SRSF10: variants seen among roughly 807,000 people sequenced by gnomAD.
SRSF10 encodes serine/arginine-rich splicing factor 10.
SRSF10 carries 9 observed loss-of-function variants against 32.6 expected under a neutral mutation model. The ratio of observed to expected loss-of-function variants is 0.28; its 90% CI spans 0.17 to 0.48. The LOEUF (loss-of-function observed/expected upper bound fraction) is 0.48. Among genes scored for constraint, SRSF10 ranks in the 20% least tolerant of loss-of-function variants. The pLI is 0.99. For missense variants in SRSF10, 201 were observed against 331.8 expected (o/e 0.61, Z 3.06); for synonymous variants, 105 against 112.4 (o/e 0.93, Z 0.42).
chr1:23,979,804 GGA>G (rs1400518180), intron 1 of SRSF10, among the ~76,000 whole-genome samples: 2 of 6,272 alleles, frequency 3.2e-4, no homozygotes, highest in Non-Finnish European at 6.1e-4. Context: ...TTTTGGCTGG[GGA>G]AAAAAAAAAA....
chr1:23,977,985 A>T (rs1356227557), intron 2 of SRSF10: 3 of 985,322 alleles, frequency 3.0e-6, no homozygotes, highest in Non-Finnish European at 3.6e-6. Flanking sequence ...TGCTTGTCAG[A>T]AGGACTTGTC....
intron 3 of SRSF10, among the ~76,000 whole-genome samples, chr1:23,974,129 C>T (rs1641939053): frequency 1.3e-5 from 2 of 152,012 alleles, no homozygotes. Context: ...GCAGCTGGGA[C>T]TACAGGTGCA....
intron 4 of SRSF10, 93 bp from the exon 5 acceptor site, chr1:23,971,719 A>T (rs1641765809): frequency 6.6e-7 from 1 of 1,519,264 alleles, no homozygotes; most frequent in Admixed American, 2.0e-5. Flanking sequence ...TTAAAATAAA[A>T]TGCTACAGTA....
In SRSF10 at chr1:23,967,477, CTTT is replaced by C. The variant is rs1641508554; in HGVS notation, c.*3662_*3664del. Reference sequence around the variant, plus strand: ...TTCCACAAGTACAAAGTTGAATTTCCTTTTATTTGTCCTAAAATGCTTACTTTC... The same window carrying C: ...TTCCACAAGTACAAAGTTGAATTTCCTATTTGTCCTAAAATGCTTACTTTC... On this transcript the variant is annotated 3_prime_UTR_variant, in exon 6 of 6. Transcript: ENST00000492112. 2.1e-6 allele frequency: 1 copy of C among 483,070 alleles called. No homozygotes were observed. The highest frequency in any genetic ancestry group is 3.4e-5 in the Admixed American group (1 of 29,406). 29.9% of individuals were successfully genotyped at this position (483,070 alleles called of 1,614,324 possible). A position where few individuals can be genotyped will look rare whatever the true frequency, so the allele number is the denominator to read the frequency against.
chr1:23,977,541 C>G (rs1642164629), intron 2 of SRSF10: 1 of 152,156 alleles, frequency 6.6e-6, no homozygotes, highest in South Asian at 2.1e-4. Context: ...GGTTCTGACC[C>G]TACAAGACCA....
rs1641627559 is a variant in SRSF10 at position 23,969,617 on chromosome 1, A to T, written c.*1525T>A. 1 of 985,104 alleles carries T rather than the reference A, an allele frequency of 1.0e-6. No homozygotes were observed. The highest frequency in any genetic ancestry group is 1.2e-6 in the Non-Finnish European group (1 of 829,714). 61.0% of individuals were successfully genotyped at this position (985,104 alleles called of 1,614,324 possible). On this transcript the variant is annotated 3_prime_UTR_variant, in exon 6 of 6. Coordinates refer to ENST00000492112, the MANE Select transcript of SRSF10 (RefSeq NM_054016.4). ...TAATTCGTACTTGTATCTGTAAGCAAGCAATCTGAGATTTTTAAAGATGCT... is the reference window on the plus strand; with the variant it reads ...TAATTCGTACTTGTATCTGTAAGCATGCAATCTGAGATTTTTAAAGATGCT...
In SRSF10 at chr1:23,968,097, G is replaced by GA; in HGVS notation, c.*3044_*3045insT. ...CACAGTAGGTAAACTCAGTAAGTGG[G>GA]GGACTCAACTACATCACCCAAAACT... On this transcript the variant is annotated 3_prime_UTR_variant, in exon 6 of 6. Transcript: ENST00000492112. 6 of 1,411,360 alleles carry GA rather than the reference G, an allele frequency of 4.3e-6. No homozygotes were observed. The highest frequency in any genetic ancestry group is 2.8e-6 in the Non-Finnish European group (3 of 1,067,204). 87.4% of individuals were successfully genotyped at this position (1,411,360 alleles called of 1,614,324 possible). A position where few individuals can be genotyped will look rare whatever the true frequency, so the allele number is the denominator to read the frequency against.
intron 3 of SRSF10, among the ~76,000 whole-genome samples, chr1:23,974,755 G>C (rs1299053242): frequency 6.6e-6 from 1 of 151,902 alleles, no homozygotes; most frequent in South Asian, 2.1e-4. Context: ...TTTGAACCCG[G>C]GAGGTGGTGG....
Position 23,970,591 on chromosome 1 carries a change from C to G in SRSF10, c.*551G>C. On this transcript the variant is annotated 3_prime_UTR_variant, in exon 6 of 6. Coordinates refer to ENST00000492112, the MANE Select transcript of SRSF10 (RefSeq NM_054016.4). ...GGTCAGGCTGGTCTCGAACTCCTGA[C>G]CTCGTGATCCGCCCGCCTCGGCCTC... 1.2e-6 allele frequency: 1 copy of G among 823,226 alleles called. No individual in the cohort carries two copies. Among genetic ancestry groups the G allele is most frequent in the Non-Finnish European group, 1.5e-6 (1 of 682,218 alleles). 51.0% of individuals were successfully genotyped at this position (823,226 alleles called of 1,614,324 possible).
Position 23,970,554 on chromosome 1 carries a change from T to A in SRSF10, c.*588A>T. The A allele has an allele frequency of 1.7e-6, 1 of 573,172 alleles. No homozygotes were observed. 35.5% of individuals were successfully genotyped at this position (573,172 alleles called of 1,614,324 possible). ...TTTTGTATTTTTAGTAGAGACGGGG[T>A]TTCACCGTGTTGGTCAGGCTGGTCT... On this transcript the variant is annotated 3_prime_UTR_variant, in exon 6 of 6. Transcript: ENST00000492112.
intron 1 of SRSF10, among the ~76,000 whole-genome samples, chr1:23,979,665 T>C (rs1642329389): frequency 6.6e-6 from 1 of 152,068 alleles, no homozygotes; most frequent in African/African-American, 2.4e-5. Context: ...ACTCCCCAAA[T>C]CTCAACGCTC....
intron 2 of SRSF10, 91 bp from the exon 3 acceptor site, chr1:23,975,168 C>A: frequency 9.9e-7 from 1 of 1,013,460 alleles, no homozygotes; most frequent in Non-Finnish European, 1.6e-6. Flanking sequence ...CACAATCTCC[C>A]AATATTATTC....
At position 23,964,562 on chromosome 1, in the gene SRSF10, A is replaced by C. The variant is rs1641364343; in HGVS notation, c.*6580T>G. On this transcript the variant is annotated 3_prime_UTR_variant, in exon 6 of 6. Transcript: ENST00000492112. The stretch of plus-strand genomic sequence containing the variant: ...ATACTATGATGGAATCCAGGTCCAA[A>C]ACCTATCCTTAAGCTTAAAATAAAT... 1.3e-5 allele frequency among the ~76,000 whole-genome samples: 2 copies of C among 151,992 alleles called. No homozygotes were observed. The highest frequency in any genetic ancestry group is 2.9e-5 in the Non-Finnish European group (2 of 67,890).
rs1213850758 is a variant in SRSF10, at chr1:23,970,333, A to G, written c.*809T>C. The G allele has an allele frequency of 6.1e-6, 6 of 984,368 alleles. No homozygotes were observed. The Admixed American group carries it at 1.9e-4, about 31-fold the overall frequency. 61.0% of individuals were successfully genotyped at this position (984,368 alleles called of 1,614,324 possible). ...CAAAAGAACTAATCCACACTGCATC[A>G]AAAATAATTATCATTGGCCTAGACA... On this transcript the variant is annotated 3_prime_UTR_variant, in exon 6 of 6. Transcript: ENST00000492112.
Position 23,970,218 on chromosome 1 carries a change from A to G in SRSF10, c.*924T>C, listed in dbSNP as rs7523697. The G allele has an allele frequency of 0.063, 62,055 of 985,298 alleles. 2,709 individuals carry two copies. Among genetic ancestry groups the G allele is most frequent in the African/African-American group, 0.21 (12,039 of 57,280 alleles). The allele number at this position is 985,298 out of a possible 1,614,324, so 61.0% of individuals were successfully genotyped here. A position where few individuals can be genotyped will look rare whatever the true frequency, so the allele number is the denominator to read the frequency against. On this transcript the variant is annotated 3_prime_UTR_variant, in exon 6 of 6. Transcript: ENST00000492112. ...TGTTTTCTATGTTCCAAATCTTCAT[A>G]GGAACCAGAAAAAAAGCAGTGAAGG... is the stretch of plus-strand genomic sequence containing the variant.
At position 23,968,785 on chromosome 1, in the gene SRSF10, T is replaced by C. The variant is rs1641584888; in HGVS notation, c.*2357A>G. 6.6e-6 allele frequency among the ~76,000 whole-genome samples: 1 copy of C among 152,180 alleles called. No homozygotes were observed. The highest frequency in any genetic ancestry group is 6.5e-5 in the Admixed American group (1 of 15,272). On this transcript the variant is annotated 3_prime_UTR_variant, in exon 6 of 6. Coordinates refer to ENST00000492112, the MANE Select transcript of SRSF10 (RefSeq NM_054016.4). ...TTACTGATCCATCCAATAATGAAAATATAAACTTGGAATTAGCTGATCCAA... is the reference window on the plus strand; with the variant it reads ...TTACTGATCCATCCAATAATGAAAACATAAACTTGGAATTAGCTGATCCAA...
Position 23,966,178 on chromosome 1 carries a change from G to C in SRSF10, c.*4964C>G, listed in dbSNP as rs1035804296. 11 of 151,876 alleles carry C rather than the reference G, an allele frequency of 7.2e-5. No homozygotes were observed. Among genetic ancestry groups the C allele is most frequent in the Non-Finnish European group, 1.5e-4 (10 of 67,802 alleles). The allele number at this position is 151,876 out of a possible 1,614,324, so 9.4% of individuals were successfully genotyped here. A position where few individuals can be genotyped will look rare whatever the true frequency, so the allele number is the denominator to read the frequency against. ...ACCTAGGATCTGACACTTGCTGTGT[G>C]ATCTTGGGCAAGTTCAAACAAAATT... On this transcript the variant is annotated 3_prime_UTR_variant, in exon 6 of 6. Coordinates refer to ENST00000492112, the MANE Select transcript of SRSF10 (RefSeq NM_054016.4).
intron 3 of SRSF10, among the ~76,000 whole-genome samples, chr1:23,974,397 T>C (rs1364534394): frequency 7.2e-6 from 1 of 138,312 alleles, no homozygotes; most frequent in African/African-American, 2.8e-5. Context: ...CTGGTAAGCC[T>C]GCATAACCAA....
Position 23,969,641 on chromosome 1 carries a change from C to T in SRSF10, c.*1501G>A, listed in dbSNP as rs1272705621. The T allele has an allele frequency of 6.1e-6, 6 of 985,154 alleles. No individual in the cohort carries two copies. The highest frequency in any genetic ancestry group is 7.2e-6 in the Non-Finnish European group (6 of 829,684). The allele number at this position is 985,154 out of a possible 1,614,324, so 61.0% of individuals were successfully genotyped here. ...AAGCAATCTGAGATTTTTAAAGATG[C>T]TAGCTTTTTATTCTGAAATGAAATT... On this transcript the variant is annotated 3_prime_UTR_variant, in exon 6 of 6. Coordinates refer to ENST00000492112, the MANE Select transcript of SRSF10 (RefSeq NM_054016.4).
Sources: gnomAD v4.1 joint callset for allele counts (sites outside exome capture counted in the v4.1 genomes callset) on GRCh38, gnomAD v4.1.1 for gene constraint, MANE v1.5 for transcripts, NCBI Gene and HGNC (gene_info 2026-07-23, HGNC 2026-07-21) for gene names.